The following CNTNAP5 variants were observed in gnomAD, a reference collection of about 807,000 sequenced individuals.
CNTNAP5 encodes contactin associated protein family member 5, also known as contactin-associated protein-like 5.
CNTNAP5 carries 72 observed loss-of-function variants against 150.2 expected under a neutral mutation model. That is an observed-to-expected ratio of 0.48 (90% CI 0.40 to 0.58). The LOEUF (loss-of-function observed/expected upper bound fraction) is 0.58. Among genes scored for constraint, CNTNAP5 ranks in the 20% least tolerant of loss-of-function variants. CNTNAP5 has a pLI of 0.00. For missense variants in CNTNAP5, 1,636 were observed against 1,626.2 expected (o/e 1.01, Z -0.10); for synonymous variants, 672 against 619.8 (o/e 1.08, Z -1.25).
chr2:124,378,199 G>C (rs1281759179), intron 3 of CNTNAP5, among the ~76,000 whole-genome samples: 11 of 151,774 alleles, frequency 7.2e-5, no homozygotes, highest in Non-Finnish European at 1.5e-4. Context: ...AGTACTTCAT[G>C]AGGACAACAA....
chr2:124,144,223 T>C (rs1291772629), intron 1 of CNTNAP5, among the ~76,000 whole-genome samples: 3 of 34,968 alleles, frequency 8.6e-5, no homozygotes, highest in African/African-American at 3.4e-4. Flanking sequence ...CTGCCCAAGG[T>C]AATTTACAGA....
Position 124,538,772 on chromosome 2 carries a change from G to A in CNTNAP5, c.1649+11316G>A, listed in dbSNP as rs566557670. ...ATCTAGATAGAAATGTGAGAAAAAG[G>A]TTTAGATTCTCAAGCCACTTATGTG... On this transcript the variant is annotated intron_variant, in intron 10 of 23. Transcript: ENST00000682447. 1.1e-4 allele frequency among the ~76,000 whole-genome samples: 17 copies of A among 152,210 alleles called. No individual in the cohort carries two copies. The South Asian group carries it at 3.5e-3, about 32-fold the overall frequency.
At chr2:124,655,201 G>A (rs1573526148) in intron 13 of CNTNAP5, among the ~76,000 whole-genome samples, 1 of 151,974 alleles carries the variant, frequency 6.6e-6, no homozygotes, top group Admixed American at 6.6e-5. Context: ...GTGTCCATGT[G>A]TTCTCATTGT....
At chr2:124,767,979 C>A (rs941349686) in intron 16 of CNTNAP5, among the ~76,000 whole-genome samples, 2 of 152,150 alleles carry the variant, frequency 1.3e-5, no homozygotes, top group South Asian at 4.1e-4. Context: ...CCCCAAGAAC[C>A]AATGTGTGTG....
intron 3 of CNTNAP5, among the ~76,000 whole-genome samples, chr2:124,329,448 G>C: frequency 6.6e-6 from 1 of 152,266 alleles, no homozygotes; most frequent in South Asian, 2.1e-4. Context: ...TGAGAAATAA[G>C]AGAAGGTTAG....
chr2:124,812,134 AT>A lies in CNTNAP5; in HGVS notation c.3217+13817del, dbSNP rs11290424. ...ATATATTATATAATATATAATTTAT[AT>A]TTATATATTATATAATATATAAATA... On this transcript the variant is annotated intron_variant, in intron 19 of 23. Coordinates refer to ENST00000682447, the MANE Select transcript of CNTNAP5 (RefSeq NM_001367498.1). Among the ~76,000 whole-genome samples, 20 of 23,304 alleles carry A rather than the reference AT, an allele frequency of 8.6e-4. No individual in the cohort carries two copies. In the South Asian group the frequency reaches 0.043, roughly 50 times the overall value. 15.3% of individuals were successfully genotyped at this position (23,304 alleles called of 152,430 possible).
intron 4 of CNTNAP5, among the ~76,000 whole-genome samples, chr2:124,427,407 T>C (rs1420047564): frequency 6.6e-6 from 1 of 152,162 alleles, no homozygotes; most frequent in African/African-American, 2.4e-5. Flanking sequence ...TCTCCATTGA[T>C]ATCAGGGTCA....
rs971585515 is a variant in CNTNAP5, at chr2:124,086,588, AT to A, written c.82+60864del. 2.1e-3 allele frequency among the ~76,000 whole-genome samples: 315 copies of A among 150,702 alleles called. 6 individuals are homozygous for A. The highest frequency in any genetic ancestry group is 7.5e-3 in the African/African-American group (306 of 40,698). ...ATAATACATCTCTCTGGTTCTGGTA[AT>A]TTTTTTTGCTCTGAAGATAAGATAT... is the stretch of plus-strand genomic sequence containing the variant. On this transcript the variant is annotated intron_variant, in intron 1 of 23. Transcript: ENST00000682447.
intron 5 of CNTNAP5, among the ~76,000 whole-genome samples, chr2:124,436,157 A>C (rs2104796385): frequency 6.6e-6 from 1 of 152,350 alleles, no homozygotes; most frequent in Admixed American, 6.5e-5. Context: ...TTGGGGGTAC[A>C]GTTACTATTA....
At chr2:124,629,499 T>G (rs1433453777) in intron 12 of CNTNAP5, among the ~76,000 whole-genome samples, 8 of 152,206 alleles carry the variant, frequency 5.3e-5, no homozygotes, top group Middle Eastern at 3.2e-3. Flanking sequence ...AATCAAGAAG[T>G]TCTTTGAAAC....
intron 13 of CNTNAP5, among the ~76,000 whole-genome samples, chr2:124,686,557 G>T (rs964889194): frequency 2.0e-5 from 3 of 152,112 alleles, no homozygotes; most frequent in African/African-American, 7.2e-5. Context: ...GCCCAGCCTT[G>T]TCAACAGTCC....
intron 1 of CNTNAP5, among the ~76,000 whole-genome samples, chr2:124,216,394 A>T (rs1573842896): frequency 6.6e-6 from 1 of 151,802 alleles, no homozygotes; most frequent in African/African-American, 2.4e-5. Flanking sequence ...CTTTTTTTTA[A>T]AATTATTATT....
intron 13 of CNTNAP5, among the ~76,000 whole-genome samples, chr2:124,675,789 TTTTA>T (rs905626517): frequency 6.6e-6 from 1 of 152,268 alleles, no homozygotes; most frequent in East Asian, 1.9e-4. Context: ...TTAGAGATAT[TTTTA>T]TTTATTTATT....
chr2:124,730,475 A>G (rs1291820457), intron 13 of CNTNAP5, among the ~76,000 whole-genome samples: 1 of 152,082 alleles, frequency 6.6e-6, no homozygotes, highest in Non-Finnish European at 1.5e-5. Context: ...TAAGTAGATT[A>G]CAGTCAACCT....
chr2:124,597,239 G>C (rs1376547839), intron 11 of CNTNAP5, among the ~76,000 whole-genome samples: 1 of 149,562 alleles, frequency 6.7e-6, no homozygotes, highest in Admixed American at 6.7e-5. Flanking sequence ...TCCTAGTCTC[G>C]ATGGTCTTTA....
intron 13 of CNTNAP5, among the ~76,000 whole-genome samples, chr2:124,706,818 G>A (rs1448927817): frequency 6.4e-4 from 5 of 7,854 alleles, no homozygotes; most frequent in Admixed American, 1.4e-3. Flanking sequence ...AGGAGGAGGA[G>A]GAGGAGGAAG....
chr2:124,843,627 C>A (rs951586759), intron 19 of CNTNAP5, among the ~76,000 whole-genome samples: 2 of 152,122 alleles, frequency 1.3e-5, no homozygotes, highest in Non-Finnish European at 2.9e-5. Flanking sequence ...TTCCTACCAA[C>A]AGTGTAGGAG....
Position 124,789,925 on chromosome 2 carries a change from G to A in CNTNAP5, c.2776G>A (p.Gly926Ser). The A allele has an allele frequency of 6.2e-7, 1 of 1,613,126 alleles. No homozygotes were observed. The change falls in exon 18 of 24, where the codon GGC (glycine) becomes AGC (serine). Residue 926 changes from glycine to serine, a missense_variant. Transcript: ENST00000682447. ...AGGGGGAACGTCATCCAGACAGAAA[G>A]GCTTCCTAGGATGCATTCGCTCCTT... is the stretch of plus-strand genomic sequence containing the variant. ...FVGGTSSRQK[G>S]FLGCIRSLHL...
chr2:124,095,331 C>G (rs1682909632), intron 1 of CNTNAP5, among the ~76,000 whole-genome samples: 1 of 152,146 alleles, frequency 6.6e-6, no homozygotes, highest in African/African-American at 2.4e-5. Context: ...ACATCACACA[C>G]TGGGGCCTGT....
Sources: gnomAD v4.1 joint callset for allele counts (sites outside exome capture counted in the v4.1 genomes callset) on GRCh38, gnomAD v4.1.1 for gene constraint, MANE v1.5 for transcripts, NCBI Gene and HGNC (gene_info 2026-07-23, HGNC 2026-07-21) for gene names.